The following MAPRE2 variants were observed in gnomAD, a reference collection of about 807,000 sequenced individuals.
The protein encoded by MAPRE2 is microtubule-associated protein RP/EB family member 2.
Under a neutral mutation model 43.2 loss-of-function variants are expected in MAPRE2, and 13 were observed. The observed-to-expected ratio is 0.30, with a 90% CI of 0.20 to 0.48. The LOEUF is 0.48. Ranked by LOEUF, MAPRE2 falls within the 20% of genes least tolerant of loss-of-function variation. The pLI is 0.99. For missense variants in MAPRE2, 161 were observed against 400.2 expected, an observed-to-expected ratio of 0.40 and a Z score of 5.10; for synonymous variants, 135 against 148.8, an observed-to-expected ratio of 0.91 and a Z score of 0.68.
chr18:35,003,334 G>T (rs2097030292), intron 1 of MAPRE2, among the ~76,000 whole-genome samples: 1 of 152,200 alleles, frequency 6.6e-6, no homozygotes, highest in Non-Finnish European at 1.5e-5. Flanking sequence ...AGATGAAAGA[G>T]AAAGGAGATA....
chr18:35,030,363 C>T (rs962416358), intron 2 of MAPRE2, among the ~76,000 whole-genome samples: 6 of 152,214 alleles, frequency 3.9e-5, no homozygotes, highest in African/African-American at 9.6e-5. Context: ...CTGCCACTCC[C>T]CACCCTGGAT....
chr18:35,063,395 C>A (rs1239673552), intron 1 of MAPRE2, among the ~76,000 whole-genome samples: 1 of 151,958 alleles, frequency 6.6e-6, no homozygotes, highest in African/African-American at 2.4e-5. Context: ...GCGTGAGCCA[C>A]TGCGCCCGGC....
chr18:35,016,689 A>G (rs1298664881), intron 2 of MAPRE2, among the ~76,000 whole-genome samples: 2 of 152,048 alleles, frequency 1.3e-5, no homozygotes, highest in African/African-American at 2.4e-5. Flanking sequence ...AGTTCCTTAT[A>G]GACTCTGGAT....
intron 1 of MAPRE2, among the ~76,000 whole-genome samples, chr18:34,996,278 G>T (rs1053849917): frequency 6.6e-6 from 1 of 152,116 alleles, no homozygotes; most frequent in East Asian, 1.9e-4. Flanking sequence ...TGGGGGTAGG[G>T]TGGAGGATGA....
intron 1 of MAPRE2, among the ~76,000 whole-genome samples, chr18:35,062,593 C>T (rs1034782758): frequency 6.6e-6 from 1 of 152,192 alleles, no homozygotes; most frequent in Non-Finnish European, 1.5e-5. Flanking sequence ...GTGGCCTTGA[C>T]CTGGACCGAG....
intron 1 of MAPRE2, among the ~76,000 whole-genome samples, chr18:34,995,427 T>C (rs1337916175): frequency 6.6e-6 from 1 of 152,218 alleles, no homozygotes; most frequent in African/African-American, 2.4e-5. Context: ...CTGAGGGTGC[T>C]CATGTAACAA....
At chr18:35,123,090 C>T (rs1044788321) in intron 4 of MAPRE2, among the ~76,000 whole-genome samples, 1 of 152,212 alleles carries the variant, frequency 6.6e-6, no homozygotes, top group African/African-American at 2.4e-5. Context: ...TGTCTCACTG[C>T]TCTCCTGGCC....
Position 35,132,095 on chromosome 18 carries a change from T to C in MAPRE2, c.814T>C (p.Leu272=), listed in dbSNP as rs375818634. The change falls in exon 6 of 7, where the codon TTG becomes CTG. Residue 272 remains leucine, a synonymous_variant. Coordinates refer to ENST00000300249, the MANE Select transcript of MAPRE2 (RefSeq NM_014268.4). The part of the protein sequence containing the change: ...EKERDFYFGK[L]REIELLCQEH... The stretch of plus-strand genomic sequence containing the variant: ...GGAAAGGGATTTCTACTTTGGGAAG[T>C]TGAGAGAGATCGAGCTACTCTGCCA... 5.3e-5 allele frequency: 85 copies of C among 1,614,100 alleles called. No homozygotes were observed. The highest frequency in any genetic ancestry group is 2.8e-4 in the African/African-American group (21 of 74,926).
At chr18:34,992,482 CT>C (rs2097024316) in intron 1 of MAPRE2, among the ~76,000 whole-genome samples, 1 of 152,206 alleles carries the variant, frequency 6.6e-6, no homozygotes, top group African/African-American at 2.4e-5. Context: ...ACTCAATTCA[CT>C]TTTGTGACCT....
chr18:35,018,168 C>T (rs945805305), intron 2 of MAPRE2, among the ~76,000 whole-genome samples: 11 of 151,856 alleles, frequency 7.2e-5, no homozygotes, highest in South Asian at 2.1e-4. Context: ...CCTACTTGAT[C>T]GTGGTGGGTT....
chr18:35,023,548 T>C (rs551501403), intron 2 of MAPRE2, among the ~76,000 whole-genome samples: 153 of 149,392 alleles, frequency 1.0e-3, no homozygotes, highest in African/African-American at 3.1e-3. Context: ...TATATATAAA[T>C]TGTTTACATA....
intron 4 of MAPRE2, among the ~76,000 whole-genome samples, chr18:35,110,191 A>G (rs1372433222): frequency 6.6e-6 from 1 of 152,124 alleles, no homozygotes; most frequent in African/African-American, 2.4e-5. Context: ...TTAAACCTAC[A>G]CTGTCTAATA....
intron 2 of MAPRE2, among the ~76,000 whole-genome samples, chr18:35,088,244 A>T (rs1907970602): frequency 6.6e-6 from 1 of 152,140 alleles, no homozygotes; most frequent in African/African-American, 2.4e-5. Flanking sequence ...GTAAGGGAGG[A>T]CCTCTCTGAG....
At chr18:35,037,672 T>C (rs909941925), upstream of MAPRE2, among the ~76,000 whole-genome samples, 3 of 151,974 alleles carry the variant, frequency 2.0e-5, no homozygotes, top group African/African-American at 4.8e-5. Flanking sequence ...ATTTTTTTTT[T>C]CCCTTAGGAT....
upstream of MAPRE2, chr18:35,041,319 G>A: frequency 7.0e-7 from 1 of 1,423,794 alleles, no homozygotes; most frequent in South Asian, 1.5e-5. Context: ...CATGGCAACA[G>A]GCTGGCCACG....
Position 35,056,213 on chromosome 18 carries a change from A to C in MAPRE2, c.123-13982A>C, listed in dbSNP as rs191038733. 4.1e-3 allele frequency among the ~76,000 whole-genome samples: 617 copies of C among 152,194 alleles called. 6 individuals are homozygous for C. The highest frequency in any genetic ancestry group is 0.014 in the African/African-American group (589 of 41,542). On this transcript the variant is annotated intron_variant, in intron 1 of 6. Coordinates refer to ENST00000300249, the MANE Select transcript of MAPRE2 (RefSeq NM_014268.4). Reference sequence around the variant, plus strand: ...CTTTGCCTCATCCAACTTTAATGAAATATTTTAACTTTAAATAATTAATCC... The same window carrying C: ...CTTTGCCTCATCCAACTTTAATGAACTATTTTAACTTTAAATAATTAATCC...
intron 1 of MAPRE2, among the ~76,000 whole-genome samples, chr18:35,046,758 A>T (rs1221209523): frequency 6.6e-6 from 1 of 152,234 alleles, no homozygotes; most frequent in Non-Finnish European, 1.5e-5. Flanking sequence ...TAATGTGCAG[A>T]GATCAGGACT....
At chr18:35,062,139 T>C (rs1906564480) in intron 1 of MAPRE2, among the ~76,000 whole-genome samples, 2 of 152,294 alleles carry the variant, frequency 1.3e-5, no homozygotes, top group South Asian at 2.1e-4. Flanking sequence ...TTTACAAGGC[T>C]TTTCAGAGGA....
chr18:35,130,735 A>C (rs1045868620), intron 5 of MAPRE2, among the ~76,000 whole-genome samples: 1 of 152,122 alleles, frequency 6.6e-6, no homozygotes, highest in Non-Finnish European at 1.5e-5. Flanking sequence ...GGTTTAAACA[A>C]ATGGGGATCC....
Sources: gnomAD v4.1 joint callset for allele counts (sites outside exome capture counted in the v4.1 genomes callset) on GRCh38, gnomAD v4.1.1 for gene constraint, MANE v1.5 for transcripts, NCBI Gene and HGNC (gene_info 2026-07-23, HGNC 2026-07-21) for gene names.